FHIT: variants seen among roughly 807,000 people sequenced by gnomAD.
FHIT encodes the protein fragile histidine triad diadenosine triphosphatase, also known as bis(5'-adenosyl)-triphosphatase.
A neutral mutation model predicts 17.9 loss-of-function variants in FHIT; 19 were observed. That is an observed-to-expected ratio of 1.06 (90% CI 0.74 to 1.56). FHIT has a LOEUF of 1.56. Ranked by LOEUF, FHIT falls within the 40% of genes most tolerant of loss-of-function variation. FHIT has a pLI of 0.00. For synonymous variants in FHIT, 81 were observed against 69.7 expected, an observed-to-expected ratio of 1.16 and a Z score of -0.81; for missense variants, 248 against 189.2, an observed-to-expected ratio of 1.31 and a Z score of -1.82.
chr3:59,931,221 G>GCTTA, intron 7 of FHIT, among the ~76,000 whole-genome samples: 1 of 152,218 alleles, frequency 6.6e-6, no homozygotes, highest in African/African-American at 2.4e-5. Context: ...AAACCAGAAG[G>GCTTA]CTTAATTCTA....
chr3:59,912,041 C>T (rs176921), intron 8 of FHIT, among the ~76,000 whole-genome samples: 1 of 152,236 alleles, frequency 6.6e-6, no homozygotes, highest in Non-Finnish European at 1.5e-5. Flanking sequence ...CTTACTCTCT[C>T]TGTGTCCTCA....
intron 4 of FHIT, among the ~76,000 whole-genome samples, chr3:60,721,374 G>T (rs1280201090): frequency 6.6e-6 from 1 of 151,642 alleles, no homozygotes; most frequent in Non-Finnish European, 1.5e-5. Context: ...TATTGCCAAA[G>T]AAGCTTTATC....
In FHIT at chr3:60,534,362, A is replaced by G. The variant is rs574881193; in HGVS notation, c.103+2498T>C. ...GCAGGAGAATGGCGTGAACCCGGGA[A>G]GCGGAGCTTGCAGTGAGCCGAGATT... On this transcript the variant is annotated intron_variant, in intron 5 of 9. Transcript: ENST00000492590. 4.0e-3 allele frequency among the ~76,000 whole-genome samples: 544 copies of G among 136,836 alleles called. 1 individual carries two copies. The highest frequency in any genetic ancestry group is 6.5e-3 in the Non-Finnish European group (413 of 63,796). The allele number at this position is 136,836 out of a possible 152,430, so 89.8% of individuals were successfully genotyped here. A position where few individuals can be genotyped will look rare whatever the true frequency, so the allele number is the denominator to read the frequency against.
At chr3:60,262,420 C>T (rs1025130759) in intron 5 of FHIT, among the ~76,000 whole-genome samples, 1 of 151,942 alleles carries the variant, frequency 6.6e-6, no homozygotes, top group Non-Finnish European at 1.5e-5. Context: ...AACAACCACC[C>T]CTACAAACCT....
intron 2 of FHIT, among the ~76,000 whole-genome samples, chr3:61,111,742 G>A (rs1034306361): frequency 6.6e-6 from 1 of 152,158 alleles, no homozygotes; most frequent in African/African-American, 2.4e-5. Flanking sequence ...GACTGGAACT[G>A]GAAAGAAACT....
intron 4 of FHIT, among the ~76,000 whole-genome samples, chr3:60,602,976 T>C (rs2038494298): frequency 6.6e-6 from 1 of 152,162 alleles, no homozygotes; most frequent in African/African-American, 2.4e-5. Flanking sequence ...CTGCAAGAAA[T>C]ATATTTCTGT....
chr3:59,868,060 A>C (rs554374028), intron 8 of FHIT, among the ~76,000 whole-genome samples: 126 of 151,744 alleles, frequency 8.3e-4, no homozygotes, highest in East Asian at 4.5e-3. Flanking sequence ...AAAAAAAAAA[A>C]AAAAAACCTT....
Position 60,715,272 on chromosome 3 carries a change from A to G in FHIT, c.-18+106647T>C, listed in dbSNP as rs1368850588. On this transcript the variant is annotated intron_variant, in intron 4 of 9. Coordinates refer to ENST00000492590, the MANE Select transcript of FHIT (RefSeq NM_002012.4). ...ACTGGATCCCTTTCTTACACCTTAT[A>G]CAAAAATCAATTCAAGATGGATTAA... Among the ~76,000 whole-genome samples the G allele has an allele frequency of 2.0e-5, 3 of 152,286 alleles. No homozygotes were observed. In the East Asian group the frequency reaches 5.8e-4, roughly 29 times the overall value.
chr3:61,211,474 G>T (rs1356091323), intron 1 of FHIT, among the ~76,000 whole-genome samples: 3 of 152,236 alleles, frequency 2.0e-5, no homozygotes, highest in Non-Finnish European at 4.4e-5. Context: ...CATTGCCCAG[G>T]CTTGCTTAGG....
intron 3 of FHIT, among the ~76,000 whole-genome samples, chr3:60,943,788 T>A (rs1553775090): frequency 6.6e-6 from 1 of 152,174 alleles, no homozygotes; most frequent in African/African-American, 2.4e-5. Flanking sequence ...TGGCAAATAA[T>A]ATTCTCTTAA....
chr3:60,169,435 T>C (rs1001539786), intron 5 of FHIT, among the ~76,000 whole-genome samples: 1 of 152,208 alleles, frequency 6.6e-6, no homozygotes, highest in African/African-American at 2.4e-5. Context: ...TGTTCTTTGT[T>C]TCATTGCATA....
intron 5 of FHIT, among the ~76,000 whole-genome samples, chr3:60,395,524 C>A (rs903486205): frequency 6.6e-6 from 1 of 151,996 alleles, no homozygotes; most frequent in East Asian, 1.9e-4. Context: ...TCTAAGAAGT[C>A]GAGAGACAAA....
At chr3:59,974,638 G>A (rs577333606) in intron 7 of FHIT, among the ~76,000 whole-genome samples, 5 of 152,196 alleles carry the variant, frequency 3.3e-5, no homozygotes, top group Admixed American at 2.0e-4. Flanking sequence ...CCATGTTTGC[G>A]GGCAGAGAAT....
intron 3 of FHIT, among the ~76,000 whole-genome samples, chr3:61,040,885 C>T (rs1559932426): frequency 6.6e-6 from 1 of 152,192 alleles, no homozygotes; most frequent in African/African-American, 2.4e-5. Context: ...CCAGGCCTGA[C>T]TGGTAACCCC....
At chr3:60,979,256 A>T (rs141048549) in intron 3 of FHIT, among the ~76,000 whole-genome samples, 1 of 152,264 alleles carries the variant, frequency 6.6e-6, no homozygotes, top group African/African-American at 2.4e-5. Context: ...AAATAAGGCA[A>T]AAGTGTCCCT....
intron 8 of FHIT, among the ~76,000 whole-genome samples, chr3:59,793,569 C>G: frequency 6.6e-6 from 1 of 152,190 alleles, no homozygotes; most frequent in East Asian, 1.9e-4. Context: ...CTCTTCCCCT[C>G]TCGCACTGCC....
At chr3:60,732,672 C>T in intron 4 of FHIT, 1 of 324,448 alleles carries the variant, frequency 3.1e-6, no homozygotes, top group East Asian at 7.0e-5. Context: ...GTGGCAGCGT[C>T]TGCAAAGACT....
chr3:60,890,221 T>TAAAAA (rs59950717), intron 3 of FHIT, among the ~76,000 whole-genome samples: 1 of 115,658 alleles, frequency 8.6e-6, no homozygotes, highest in African/African-American at 3.8e-5. Flanking sequence ...TTCCATGATG[T>TAAAAA]AAAAAAAAAA....
At chr3:59,899,849 A>G (rs1371597646) in intron 8 of FHIT, among the ~76,000 whole-genome samples, 2 of 152,156 alleles carry the variant, frequency 1.3e-5, no homozygotes, top group Non-Finnish European at 2.9e-5. Flanking sequence ...CCTTCTCAAA[A>G]AACAAAAACA....
Sources: allele counts gnomAD v4.1 joint callset (sites outside exome capture counted in the v4.1 genomes callset), GRCh38; gene constraint gnomAD v4.1.1; transcripts MANE v1.5; gene names NCBI Gene and HGNC (gene_info 2026-07-23, HGNC 2026-07-21).